Variants in TRPC5 observed in about 807,000 individuals in gnomAD.
The protein encoded by TRPC5 is short transient receptor potential channel 5.
TRPC5 carries 9 observed loss-of-function variants against 56.5 expected under a neutral mutation model. The observed-to-expected ratio is 0.16, with a 90% CI of 0.10 to 0.28. The LOEUF (loss-of-function observed/expected upper bound fraction) is 0.28. TRPC5 is among the 10% of genes least tolerant of loss of function. TRPC5 has a pLI of 1.00. For missense variants in TRPC5, 469 were observed against 748.9 expected (o/e 0.63, Z 4.36); for synonymous variants, 282 against 278.5 (o/e 1.01, Z -0.13).
intron 6 of TRPC5, 87 bp downstream of exon 6, chrX:111,847,027 G>A (rs930996224): frequency 9.9e-7 from 1 of 1,005,198 alleles, no homozygotes; most frequent in African/African-American, 1.9e-5. Flanking sequence ...TGATGAAGCT[G>A]TAGGCTGAAA....
At chrX:112,059,166 G>C (rs758213272) in intron 1 of TRPC5, among the ~76,000 whole-genome samples, 2 of 111,528 alleles carry the variant, frequency 1.8e-5, no homozygotes, top group African/African-American at 6.5e-5. Context: ...TTTCTGAGGA[G>C]CCCCAAATAT....
intron 7 of TRPC5, among the ~76,000 whole-genome samples, chrX:111,825,204 T>TTTC (rs1204243216): frequency 3.6e-5 from 3 of 83,146 alleles, no homozygotes; most frequent in African/African-American, 1.4e-4. Flanking sequence ...TCTTTCTTTC[T>TTTC]TTCTTTCTTT....
At chrX:112,062,714 G>A (rs41393750) in intron 1 of TRPC5, among the ~76,000 whole-genome samples, 9,440 of 111,536 alleles carry the variant, frequency 0.085, 373 homozygotes, top group African/African-American at 0.15. Context: ...TACTCAAAAC[G>A]TTGTTGGTGC....
intron 7 of TRPC5, among the ~76,000 whole-genome samples, chrX:111,800,698 G>A (rs1460004106): frequency 9.1e-6 from 1 of 109,540 alleles, no homozygotes; most frequent in African/African-American, 3.3e-5. Flanking sequence ...AGGTTGCAGT[G>A]AGCCGAGATC....
intron 7 of TRPC5, among the ~76,000 whole-genome samples, chrX:111,834,281 A>G (rs771060106): frequency 4.0e-4 from 45 of 111,494 alleles, no homozygotes; most frequent in African/African-American, 1.4e-3. Flanking sequence ...GCAGTTACTT[A>G]TATATACTTG....
At chrX:111,993,058 C>A (rs1451652550) in intron 1 of TRPC5, among the ~76,000 whole-genome samples, 3 of 105,853 alleles carry the variant, frequency 2.8e-5, no homozygotes, top group African/African-American at 1.0e-4. Context: ...CCCAGCCCCC[C>A]ACCCCCTGAC....
Position 111,776,219 on chromosome X carries a change from A to G in TRPC5, c.*94T>C, listed in dbSNP as rs1408997852. On this transcript the variant is annotated 3_prime_UTR_variant, in exon 11 of 11. Transcript: ENST00000262839. ...AGTTTCACTCTCCTTTCTGGGGGGC[A>G]GGGGCAGTGAGGGAATCATATTCTG... is the stretch of plus-strand genomic sequence containing the variant. 2 of 846,752 alleles carry G rather than the reference A, an allele frequency of 2.4e-6. No individual in the cohort carries two copies. The highest frequency in any genetic ancestry group is 3.3e-6 in the Non-Finnish European group (2 of 615,007). 69.8% of individuals were successfully genotyped at this position (846,752 alleles called of 1,213,427 possible).
At chrX:112,027,106 T>C (rs1358979930) in intron 1 of TRPC5, among the ~76,000 whole-genome samples, 5 of 111,742 alleles carry the variant, frequency 4.5e-5, no homozygotes, top group African/African-American at 1.6e-4. Context: ...ACTTGCCCTT[T>C]AGTGACCTTC....
chrX:111,871,014 CA>C (rs1287856492), intron 3 of TRPC5, among the ~76,000 whole-genome samples: 2 of 111,616 alleles, frequency 1.8e-5, no homozygotes, highest in Non-Finnish European at 3.8e-5. Context: ...GTGGGCTGCC[CA>C]CTTCCTTTCA....
chrX:111,922,204 T>C (rs1926144030), intron 2 of TRPC5, among the ~76,000 whole-genome samples: 1 of 111,866 alleles, frequency 8.9e-6, no homozygotes, highest in Admixed American at 9.5e-5. Flanking sequence ...GTGGAGTTTA[T>C]CACAGGCTTC....
chrX:111,987,461 C>G (rs1263959705), intron 1 of TRPC5, among the ~76,000 whole-genome samples: 1 of 111,176 alleles, frequency 9.0e-6, no homozygotes, highest in Non-Finnish European at 1.9e-5. Context: ...CATTAGATCT[C>G]TAGATTTATT....
chrX:111,944,303 T>TGAGAGAGAGA (rs774055316), intron 2 of TRPC5, among the ~76,000 whole-genome samples: 14 of 61,341 alleles, frequency 2.3e-4, no homozygotes, highest in African/African-American at 4.2e-4. Context: ...TGTGTGTGTG[T>TGAGAGAGAGA]GAGAGAGAGA....
chrX:112,028,781 G>T (rs766746871), intron 1 of TRPC5, among the ~76,000 whole-genome samples: 5 of 111,700 alleles, frequency 4.5e-5, no homozygotes. Flanking sequence ...AATCCTTTGG[G>T]TATATACCCA....
intron 7 of TRPC5, among the ~76,000 whole-genome samples, chrX:111,796,962 C>T (rs763903738): frequency 6.2e-5 from 7 of 112,230 alleles, no homozygotes; most frequent in Admixed American, 9.4e-5. Context: ...TAAAAAATTG[C>T]CACTTCAAAA....
chrX:111,979,879 G>GA (rs1455710685), intron 1 of TRPC5, among the ~76,000 whole-genome samples: 2 of 111,309 alleles, frequency 1.8e-5, no homozygotes, highest in Non-Finnish European at 3.8e-5. Context: ...TAGAGGGAAT[G>GA]AAAAAATGGT....
intron 7 of TRPC5, among the ~76,000 whole-genome samples, chrX:111,809,808 A>G (rs189697810): frequency 8.7e-4 from 94 of 107,623 alleles, no homozygotes; most frequent in African/African-American, 3.1e-3. Context: ...TTTAAGATCT[A>G]CTCTCTCAGC....
chrX:111,920,705 T>C (rs945441801), intron 2 of TRPC5, among the ~76,000 whole-genome samples: 1 of 111,608 alleles, frequency 9.0e-6, no homozygotes, highest in Non-Finnish European at 1.9e-5. Flanking sequence ...AAGAACACCT[T>C]GGCATTAGCC....
intron 2 of TRPC5, among the ~76,000 whole-genome samples, chrX:111,947,525 C>A (rs923961614): frequency 1.8e-5 from 2 of 110,505 alleles, no homozygotes; most frequent in African/African-American, 6.6e-5. Flanking sequence ...TTAGTAGAGA[C>A]CGGGTTTCTT....
chrX:112,063,397 A>G (rs1329382594), intron 1 of TRPC5, among the ~76,000 whole-genome samples: 1 of 112,068 alleles, frequency 8.9e-6, no homozygotes, highest in Non-Finnish European at 1.9e-5. Flanking sequence ...ATCCATTGGC[A>G]TGTTTTCTTC....
Sources: allele counts gnomAD v4.1 joint callset (sites outside exome capture counted in the v4.1 genomes callset), GRCh38; gene constraint gnomAD v4.1.1; transcripts MANE v1.5; gene names NCBI Gene and HGNC (gene_info 2026-07-23, HGNC 2026-07-21).